Variants in SAFB observed in about 807,000 individuals in gnomAD.
SAFB encodes the protein scaffold attachment factor B, also known as scaffold attachment factor B1.
In SAFB, 15 loss-of-function variants were observed where a neutral mutation model predicts 101.6. That is an observed-to-expected ratio of 0.15 (90% confidence interval 0.10 to 0.23). The LOEUF is 0.23. SAFB is among the 10% of genes least tolerant of loss of function. The pLI, the probability that SAFB is intolerant of heterozygous loss-of-function variation, is 1.00. For synonymous variants in SAFB, 449 were observed against 407.5 expected, an observed-to-expected ratio of 1.10 and a Z score of -1.23; for missense variants, 930 against 1,104.1, an observed-to-expected ratio of 0.84 and a Z score of 2.23.
At position 5,667,643 on chromosome 19, in the gene SAFB, T is replaced by G. The variant is rs1322780794; in HGVS notation, c.2558-177T>G. 6 of 711,192 alleles carry G rather than the reference T, an allele frequency of 8.4e-6. No individual in the cohort carries two copies. The African/African-American group carries it at 1.1e-4, about 13-fold the overall frequency. The allele number at this position is 711,192 out of a possible 1,614,324, so 44.1% of individuals were successfully genotyped here. A position where few individuals can be genotyped will look rare whatever the true frequency, so the allele number is the denominator to read the frequency against. On this transcript the variant is annotated intron_variant, in intron 19 of 20. Transcript: ENST00000588852. The surrounding 1 kb of genome is among the most constrained non-coding windows in gnomAD (Gnocchi z 4.0). ...GAGTTGGACAGTGGGCGTTCCCGAG[T>G]TCTCTCTGCTGGGAGGAAGCTGGAC...
intron 1 of SAFB, among the ~76,000 whole-genome samples, chr19:5,623,711 G>C (rs1046742302): frequency 6.6e-6 from 1 of 152,090 alleles, no homozygotes; most frequent in Non-Finnish European, 1.5e-5. Flanking sequence ...GTACCTGGAG[G>C]GGAGACCCTG....
chr19:5,649,400 G>A lies in SAFB; in HGVS notation c.1049G>A (p.Ser350Asn). The change falls in exon 7 of 21, where the codon AGC becomes AAC. Residue 350 changes from serine to asparagine, a missense_variant. Ser to Asn is a conservative substitution (Grantham distance 46). Around this residue, in one of 7 missense-constraint regions of SAFB, gnomAD observed 130 missense variants for 114.2 expected, o/e 1.14. Coordinates refer to ENST00000588852, the MANE Select transcript of SAFB (RefSeq NM_001201338.2). ...GCCCCAAGCCCAGAAGCCAGAGATA[G>A]CAAAGAAGACGGGAGGAAGTTTGAT... ...TEAPSPEARD[S>N]KEDGRKFDFD... 1 of 448,162 alleles carries A rather than the reference G, an allele frequency of 2.2e-6. No individual in the cohort carries two copies. Among genetic ancestry groups the A allele is most frequent in the Non-Finnish European group, 3.6e-6 (1 of 274,922 alleles). 27.8% of individuals were successfully genotyped at this position (448,162 alleles called of 1,614,324 possible).
chr19:5,663,953 C>G, intron 15 of SAFB, 69 bp from the exon 16 acceptor site: 1 of 1,534,392 alleles, frequency 6.5e-7, no homozygotes, highest in Non-Finnish European at 8.9e-7. Context: ...TAGGGGCCAG[C>G]TCCCACAAAG....
At chr19:5,657,832 A>G (rs1050420469) in intron 14 of SAFB, among the ~76,000 whole-genome samples, 1 of 151,858 alleles carries the variant, frequency 6.6e-6, no homozygotes, top group Non-Finnish European at 1.5e-5. Context: ...GCCTACTTAC[A>G]GCTCTTTTCA....
At chr19:5,652,748 C>CT (rs772420943) in intron 9 of SAFB, among the ~76,000 whole-genome samples, 1 of 149,870 alleles carries the variant, frequency 6.7e-6, no homozygotes, top group East Asian at 1.9e-4. Flanking sequence ...TTTCTTTTTT[C>CT]TTTTTTTGCC....
At chr19:5,624,295 C>T (rs1326950642) in intron 1 of SAFB, among the ~76,000 whole-genome samples, 1 of 150,396 alleles carries the variant, frequency 6.6e-6, no homozygotes, top group Non-Finnish European at 1.5e-5. Context: ...AATAAGTTTG[C>T]GTGGAGCAGG....
chr19:5,646,134 G>A (rs2053823439), intron 5 of SAFB, among the ~76,000 whole-genome samples: 1 of 152,118 alleles, frequency 6.6e-6, no homozygotes, highest in South Asian at 2.1e-4. Flanking sequence ...ACTTTTTGTG[G>A]AGAAATGAAG....
intron 13 of SAFB, among the ~76,000 whole-genome samples, chr19:5,655,470 A>C (rs1387198384): frequency 5.9e-5 from 9 of 151,534 alleles, no homozygotes; most frequent in Non-Finnish European, 7.4e-5. Flanking sequence ...AAAAAAAAAA[A>C]AAAAAAAAAA....
intron 14 of SAFB, among the ~76,000 whole-genome samples, chr19:5,658,987 A>G (rs2054132243): frequency 6.6e-6 from 1 of 152,102 alleles, no homozygotes; most frequent in African/African-American, 2.4e-5. Context: ...TCTACTAAAA[A>G]TACAAAAATT....
chr19:5,647,448 G>A (rs2053849226), intron 5 of SAFB, among the ~76,000 whole-genome samples: 1 of 152,188 alleles, frequency 6.6e-6, no homozygotes, highest in Non-Finnish European at 1.5e-5. Flanking sequence ...TGAGTGGACA[G>A]GGCTTCCTGG....
chr19:5,636,608 T>G (rs1466320638), intron 2 of SAFB, among the ~76,000 whole-genome samples: 1 of 152,092 alleles, frequency 6.6e-6, no homozygotes, highest in Non-Finnish European at 1.5e-5. Flanking sequence ...TACAAATAAT[T>G]AGGTTTGGAA....
intron 2 of SAFB, among the ~76,000 whole-genome samples, chr19:5,628,102 T>C (rs2053407439): frequency 6.6e-6 from 1 of 152,098 alleles, no homozygotes; most frequent in South Asian, 2.1e-4. Flanking sequence ...AATATAAAAA[T>C]TAGCCAGGTG....
Position 5,667,720 on chromosome 19 carries a change from A to C in SAFB, c.2558-100A>C. 8.7e-7 allele frequency: 1 copy of C among 1,143,538 alleles called. No individual in the cohort carries two copies. The highest frequency in any genetic ancestry group is 1.3e-6 in the Non-Finnish European group (1 of 769,714). The allele number at this position is 1,143,538 out of a possible 1,614,324, so 70.8% of individuals were successfully genotyped here. On this transcript the variant is annotated intron_variant, in intron 19 of 20. Transcript: ENST00000588852. This position sits in a 1 kb window ranked among gnomAD's most constrained non-coding sequence, Gnocchi z 4.0. ...TTCCTGGGACCCGCTAGTTGTGGGT[A>C]CCTGGGGGCCTCACCAAAGGGAGTG...
chr19:5,663,984 G>A (rs1336319054), intron 15 of SAFB, 38 bp from the exon 16 acceptor site: 4 of 1,603,108 alleles, frequency 2.5e-6, no homozygotes, highest in East Asian at 2.2e-5. Flanking sequence ...CATTTGGGGT[G>A]GGGGATCCCT....
At chr19:5,652,573 G>A (rs1331190020) in intron 9 of SAFB, among the ~76,000 whole-genome samples, 1 of 152,150 alleles carries the variant, frequency 6.6e-6, no homozygotes. Context: ...GACCCTAACT[G>A]CATCCTGCTG....
chr19:5,641,715 A>T lies in SAFB; in HGVS notation c.340-25A>T, dbSNP rs748687499. The T allele has an allele frequency of 1.9e-6, 3 of 1,613,668 alleles. No individual in the cohort carries two copies. The Admixed American group carries it at 5.0e-5, about 27-fold the overall frequency. On this transcript the variant is annotated intron_variant, in intron 3 of 20. Coordinates refer to ENST00000588852, the MANE Select transcript of SAFB (RefSeq NM_001201338.2). ...TGGATGGACCAGTGGCGGTCACATG[A>T]TGGTTCGGTCTGGTTGTGTCACAGG...
At chr19:5,648,870 CTG>C (rs1364270369) in intron 6 of SAFB, 117 bp from the exon 7 acceptor site, 1 of 479,268 alleles carries the variant, frequency 2.1e-6, no homozygotes, top group Non-Finnish European at 4.0e-6. Context: ...TTTCCAATCT[CTG>C]TGTAGCTAGC....
chr19:5,639,408 T>G (rs558290489), intron 2 of SAFB, among the ~76,000 whole-genome samples: 1 of 152,066 alleles, frequency 6.6e-6, no homozygotes, highest in East Asian at 1.9e-4. Context: ...AAGAGTGAAA[T>G]GGGCCAGGGC....
At chr19:5,630,913 TG>T (rs1339250987) in intron 2 of SAFB, among the ~76,000 whole-genome samples, 1 of 152,140 alleles carries the variant, frequency 6.6e-6, no homozygotes, top group Non-Finnish European at 1.5e-5. Context: ...ACATTTAGGC[TG>T]GGCGTGGTGG....
Sources: gnomAD v4.1 joint callset for allele counts (sites outside exome capture counted in the v4.1 genomes callset) on GRCh38, gnomAD v4.1.1 for gene constraint, gnomAD v4.1.1 regional missense constraint, Gnocchi (gnomAD v3.1) non-coding constraint, MANE v1.5 for transcripts, NCBI Gene and HGNC (gene_info 2026-07-23, HGNC 2026-07-21) for gene names.